PPP1R12B: variants seen among roughly 807,000 people sequenced by gnomAD.
PPP1R12B encodes protein phosphatase 1 regulatory subunit 12B.
A neutral mutation model predicts 126.1 loss-of-function variants in PPP1R12B; 76 were observed. That is an observed-to-expected ratio of 0.60 (90% CI 0.50 to 0.73). The LOEUF (loss-of-function observed/expected upper bound fraction) is 0.73. PPP1R12B is among the 30% of genes least tolerant of loss of function. The pLI is 0.00. For missense variants in PPP1R12B, 1,052 were observed against 1,205.1 expected (o/e 0.87, Z 1.88); for synonymous variants, 356 against 434.7 (o/e 0.82, Z 2.25).
chr1:202,576,733 A>G (rs1689126382), intron 23 of PPP1R12B: 1 of 152,180 alleles, frequency 6.6e-6, no homozygotes, highest in Non-Finnish European at 1.5e-5. Context: ...TCAGTAGTTA[A>G]TAACCTTAAC....
intron 1 of PPP1R12B, among the ~76,000 whole-genome samples, chr1:202,414,041 C>A (rs979090865): frequency 6.6e-6 from 1 of 152,152 alleles, no homozygotes; most frequent in Non-Finnish European, 1.5e-5. Context: ...TGTTCCTCAG[C>A]CTCCTGAGTA....
intron 1 of PPP1R12B, among the ~76,000 whole-genome samples, chr1:202,377,843 T>G (rs1164237603): frequency 1.0e-4 from 5 of 48,438 alleles, no homozygotes; most frequent in African/African-American, 1.3e-4. Context: ...TTTTTTTTTT[T>G]TTTTTTTTTT....
In PPP1R12B at chr1:202,494,730, A is replaced by C. The variant is rs377298372; in HGVS notation, c.2146-563A>C. Reference sequence around the variant, plus strand: ...CAAAAAAAAAAAGAAAAGAAAAGAAAAGAAAACAACAACAACAAAACAAAA... The same window carrying C: ...CAAAAAAAAAAAGAAAAGAAAAGAACAGAAAACAACAACAACAAAACAAAA... On this transcript the variant is annotated intron_variant, in intron 15 of 23. Coordinates refer to ENST00000608999, the MANE Select transcript of PPP1R12B (RefSeq NM_002481.4). 6.6e-4 allele frequency among the ~76,000 whole-genome samples: 100 copies of C among 152,150 alleles called. No individual in the cohort carries two copies. The South Asian group carries it at 0.011, about 17-fold the overall frequency.
chr1:202,408,244 A>G (rs1171165447), intron 1 of PPP1R12B, among the ~76,000 whole-genome samples: 1 of 152,184 alleles, frequency 6.6e-6, no homozygotes, highest in Admixed American at 6.5e-5. Context: ...CTCATCAATT[A>G]GTATTTCTAT....
intron 13 of PPP1R12B, among the ~76,000 whole-genome samples, chr1:202,484,609 A>G (rs187663495): frequency 1.3e-5 from 2 of 152,332 alleles, no homozygotes; most frequent in Non-Finnish European, 2.9e-5. Context: ...TTTCATGAAA[A>G]TAATTATAAT....
intron 13 of PPP1R12B, chr1:202,462,759 C>T (rs1674480319): frequency 1.0e-6 from 1 of 982,932 alleles, no homozygotes; most frequent in Non-Finnish European, 1.2e-6. Context: ...GGTACAATCT[C>T]ATAAAATGGG....
In PPP1R12B at chr1:202,457,091, A is replaced by G. The variant is rs1673737638; in HGVS notation, c.1850+7920A>G. On this transcript the variant is annotated intron_variant, in intron 13 of 23. Transcript: ENST00000608999. The stretch of plus-strand genomic sequence containing the variant: ...GACACACGTATAGGAACAGTTTGGT[A>G]AATGAATCAGGAATGGTTTTTAAAG... 2.6e-5 allele frequency among the ~76,000 whole-genome samples: 4 copies of G among 152,248 alleles called. No homozygotes were observed. In the South Asian group the frequency reaches 8.3e-4, roughly 31 times the overall value.
rs117214886 is a variant in PPP1R12B at position 202,417,565 on chromosome 1, G to A, written c.422+648G>A. On this transcript the variant is annotated intron_variant, in intron 2 of 23. Transcript: ENST00000608999. Reference sequence around the variant, plus strand: ...AAGAGGCACTGAATAAATATCTGTTGTGTGAAGGAATGATTGGGGAGTTTA... The same window carrying A: ...AAGAGGCACTGAATAAATATCTGTTATGTGAAGGAATGATTGGGGAGTTTA... Among the ~76,000 whole-genome samples, 64 of 152,322 alleles carry A rather than the reference G, an allele frequency of 4.2e-4. No homozygotes were observed. The East Asian group carries it at 0.012, about 28-fold the overall frequency.
intron 1 of PPP1R12B, among the ~76,000 whole-genome samples, chr1:202,408,839 C>A (rs953235786): frequency 2.3e-5 from 3 of 131,156 alleles, no homozygotes; most frequent in African/African-American, 5.3e-5. Context: ...ATTATTATTT[C>A]TTTCTTTTTT....
intron 18 of PPP1R12B, among the ~76,000 whole-genome samples, chr1:202,525,321 G>T (rs1184344406): frequency 6.6e-6 from 1 of 151,916 alleles, no homozygotes; most frequent in African/African-American, 2.4e-5. Flanking sequence ...TCAAATAACA[G>T]AAAGAAAATA....
intron 1 of PPP1R12B, among the ~76,000 whole-genome samples, chr1:202,409,772 T>C (rs914212642): frequency 3.9e-5 from 6 of 151,998 alleles, no homozygotes; most frequent in Non-Finnish European, 8.8e-5. Context: ...CAAGCGATCC[T>C]CCCTCCTCAG....
chr1:202,439,545 G>T, intron 10 of PPP1R12B: 1 of 1,515,920 alleles, frequency 6.6e-7, no homozygotes, highest in Admixed American at 1.9e-5. Context: ...GGCGCTCTCT[G>T]TGGTCACTCC....
chr1:202,443,947 G>A (rs1234376346), intron 12 of PPP1R12B, among the ~76,000 whole-genome samples: 2 of 152,308 alleles, frequency 1.3e-5, no homozygotes, highest in African/African-American at 4.8e-5. Context: ...TCAAAAGCAT[G>A]CTTAATGATA....
intron 23 of PPP1R12B, 49 bp downstream of exon 23, chr1:202,569,246 G>A (rs747442992): frequency 6.4e-7 from 1 of 1,557,794 alleles, no homozygotes; most frequent in South Asian, 1.1e-5. Flanking sequence ...CTGAATGCCT[G>A]CCAAGACTGG....
chr1:202,429,030 T>C (rs1669891056), intron 6 of PPP1R12B, 101 bp downstream of exon 6: 1 of 915,142 alleles, frequency 1.1e-6, no homozygotes, highest in South Asian at 1.8e-5. Context: ...AGAGTTGAAA[T>C]GGACATATCT....
chr1:202,441,063 C>T (rs890153659), intron 11 of PPP1R12B, among the ~76,000 whole-genome samples: 1 of 152,174 alleles, frequency 6.6e-6, no homozygotes, highest in African/African-American at 2.4e-5. Context: ...TACCAGCAGG[C>T]TCTGTAAAGG....
chr1:202,412,269 C>G (rs1373003422), intron 1 of PPP1R12B, among the ~76,000 whole-genome samples: 5 of 152,082 alleles, frequency 3.3e-5, no homozygotes, highest in African/African-American at 4.8e-5. Flanking sequence ...GGCAACAGAG[C>G]AAGACCCTGT....
At chr1:202,414,435 A>G (rs1667804522) in intron 1 of PPP1R12B, among the ~76,000 whole-genome samples, 1 of 152,202 alleles carries the variant, frequency 6.6e-6, no homozygotes, top group Admixed American at 6.5e-5. Flanking sequence ...ATATAGGTTG[A>G]TTGAGTTACA....
At chr1:202,377,596 G>A (rs1661412455) in intron 1 of PPP1R12B, among the ~76,000 whole-genome samples, 1 of 151,970 alleles carries the variant, frequency 6.6e-6, no homozygotes, top group Admixed American at 6.6e-5. Flanking sequence ...GAGCCACCGT[G>A]CCCGGCGAGA....
Sources: gnomAD v4.1 joint callset for allele counts (sites outside exome capture counted in the v4.1 genomes callset) on GRCh38, gnomAD v4.1.1 for gene constraint, MANE v1.5 for transcripts, NCBI Gene and HGNC (gene_info 2026-07-23, HGNC 2026-07-21) for gene names.